ZNF550: variants seen among roughly 807,000 people sequenced by gnomAD.
ZNF550 encodes the protein zinc finger protein 550.
A neutral mutation model predicts 40.2 loss-of-function variants in ZNF550; 42 were observed. The observed-to-expected ratio is 1.05, with a 90% CI of 0.82 to 1.35. ZNF550 has a LOEUF of 1.35. ZNF550 is among the 40% of genes most tolerant of loss of function. The pLI, the probability that ZNF550 is intolerant of heterozygous loss-of-function variation, is 0.00. For synonymous variants in ZNF550, 223 were observed against 198.6 expected, an observed-to-expected ratio of 1.12 and a Z score of -1.03; for missense variants, 549 against 525.2, an observed-to-expected ratio of 1.05 and a Z score of -0.44.
chr19:57,560,659 A>T (rs1225966045), upstream of ZNF550, among the ~76,000 whole-genome samples: 1 of 152,072 alleles, frequency 6.6e-6, no homozygotes, highest in South Asian at 2.1e-4. Flanking sequence ...AGGTTTTTCT[A>T]GGAAAAGGTG....
At chr19:57,545,682 G>C (rs1370175018) in intron 4 of ZNF550, among the ~76,000 whole-genome samples, 1 of 152,082 alleles carries the variant, frequency 6.6e-6, no homozygotes, top group Non-Finnish European at 1.5e-5. Flanking sequence ...AGCAGTTTGA[G>C]ACAAATCTGG....
intron 2 of ZNF550, chr19:57,552,985 G>T: frequency 2.6e-6 from 1 of 389,204 alleles, no homozygotes; most frequent in Non-Finnish European, 4.6e-6. Flanking sequence ...AATTAAATGA[G>T]GCCACAAGGG....
At chr19:57,542,185 A>G (rs2089965839) in exon 5 of ZNF550, 1 of 151,834 alleles carries the variant, frequency 6.6e-6, no homozygotes, top group African/African-American at 2.4e-5. Flanking sequence ...TTAAACTTCT[A>G]AAGTAAAAAC....
exon 4 of ZNF550, chr19:57,546,604 T>C: frequency 9.9e-7 from 1 of 1,013,508 alleles, no homozygotes; most frequent in Non-Finnish European, 1.2e-6. Flanking sequence ...TTCATTATGA[T>C]TCTCAGATAG....
chr19:57,547,257 G>A, exon 4 of ZNF550: 5 of 1,613,998 alleles, frequency 3.1e-6, no homozygotes, highest in Non-Finnish European at 4.2e-6. Context: ...GTTGAATTAG[G>A]TGGGCTCTAT....
Position 57,543,695 on chromosome 19 carries a change from G to T in ZNF550, c.*519-452C>A, listed in dbSNP as rs374473973. 4.0e-5 allele frequency: 36 copies of T among 909,558 alleles called. No individual in the cohort carries two copies. In the East Asian group the frequency reaches 3.4e-3, roughly 87 times the overall value. 56.3% of individuals were successfully genotyped at this position (909,558 alleles called of 1,614,324 possible). A position where few individuals can be genotyped will look rare whatever the true frequency, so the allele number is the denominator to read the frequency against. On this transcript the variant is annotated intron_variant, in intron 4 of 4. Coordinates refer to ENST00000457177, the Ensembl canonical transcript of ZNF550. ...TCACGCCTGTAATCGCAGCACTTTGGGAGGCAGAGGCGGGTGGACTACATG... is the reference window on the plus strand; with the variant it reads ...TCACGCCTGTAATCGCAGCACTTTGTGAGGCAGAGGCGGGTGGACTACATG...
In ZNF550 at chr19:57,556,526, T is replaced by C. The variant is rs144851961; in HGVS notation, c.28-169A>G. The C allele has an allele frequency of 7.8e-4, 584 of 750,412 alleles. 3 individuals carry two copies. In the African/African-American group the frequency reaches 9.6e-3, roughly 12 times the overall value. The allele number at this position is 750,412 out of a possible 1,614,324, so 46.5% of individuals were successfully genotyped here. A position where few individuals can be genotyped will look rare whatever the true frequency, so the allele number is the denominator to read the frequency against. ...CAAAGGGGAGGCAGATACTGCCTTT[T>C]GACAATGCAATTGTGCCTGAGAGAA... On this transcript the variant is annotated intron_variant, in intron 1 of 4. Coordinates refer to ENST00000457177, the Ensembl canonical transcript of ZNF550.
chr19:57,561,341 G>C (rs375500301), upstream of ZNF550, among the ~76,000 whole-genome samples: 13 of 152,266 alleles, frequency 8.5e-5, no homozygotes, highest in African/African-American at 2.9e-4. The surrounding 1 kb of genome is among the most constrained non-coding windows in gnomAD (Gnocchi z 4.9). Flanking sequence ...TTGTTCTCAG[G>C]AGTAAACCTT....
At position 57,555,144 on chromosome 19, in the gene ZNF550, TGAGA is replaced by T. The variant is rs2090108392; in HGVS notation, c.154+1083_154+1086del. Reference sequence around the variant, plus strand: ...GGGAACCTTGTTTTGCTCTGGTAAGTGAGAAAGTCAATTTCCCTTCCTACAAATA... The same window carrying T: ...GGGAACCTTGTTTTGCTCTGGTAAGTAAGTCAATTTCCCTTCCTACAAATA... On this transcript the variant is annotated intron_variant, in intron 2 of 4. Coordinates refer to ENST00000457177, the Ensembl canonical transcript of ZNF550. 3 of 152,334 alleles carry T rather than the reference TGAGA, an allele frequency of 2.0e-5. No individual in the cohort carries two copies. In the South Asian group the frequency reaches 6.2e-4, roughly 32 times the overall value. 9.4% of individuals were successfully genotyped at this position (152,334 alleles called of 1,614,324 possible). A position where few individuals can be genotyped will look rare whatever the true frequency, so the allele number is the denominator to read the frequency against.
At chr19:57,559,510 C>G (rs1476558168) in intron 1 of ZNF550, 146 bp downstream of exon 1, 2 of 761,578 alleles carry the variant, frequency 2.6e-6, no homozygotes, top group East Asian at 3.4e-5. Flanking sequence ...GCATTCCGGA[C>G]CCGGGACCGC....
chr19:57,550,037 T>C lies in ZNF550; in HGVS notation c.251-2044A>G, dbSNP rs544354070. 2.5e-4 allele frequency among the ~76,000 whole-genome samples: 38 copies of C among 152,258 alleles called. 1 individual carries two copies. Among genetic ancestry groups the C allele is most frequent in the Admixed American group, 1.9e-3 (29 of 15,290 alleles). ...TGATGCAGCGCAAGTGTTCATTAAA[T>C]TGTGGGACATTACCCTTATTATTTT... On this transcript the variant is annotated intron_variant, in intron 3 of 4. Transcript: ENST00000457177.
chr19:57,556,195 T>C (rs1485042841), intron 2 of ZNF550, 36 bp downstream of exon 2: 1 of 1,613,328 alleles, frequency 6.2e-7, no homozygotes, highest in Non-Finnish European at 8.5e-7. Context: ...GAATCAGGGT[T>C]AGGGTCCTCC....
chr19:57,551,493 A>G (rs1010258610), intron 3 of ZNF550, among the ~76,000 whole-genome samples: 1 of 152,182 alleles, frequency 6.6e-6, no homozygotes, highest in African/African-American at 2.4e-5. Context: ...ATCATTTAAA[A>G]TGAGCAGGAC....
chr19:57,549,113 G>A (rs924445755), intron 3 of ZNF550, among the ~76,000 whole-genome samples: 5 of 152,040 alleles, frequency 3.3e-5, no homozygotes, highest in Non-Finnish European at 5.9e-5. Context: ...TAGCACAACC[G>A]GGTGGCTATA....
At chr19:57,545,571 TGA>T (rs756306222) in intron 4 of ZNF550, among the ~76,000 whole-genome samples, 2 of 152,174 alleles carry the variant, frequency 1.3e-5, no homozygotes, top group South Asian at 4.1e-4. Context: ...CAGGAAAATG[TGA>T]GAGTGCTGAG....
chr19:57,552,919 T>C (rs2269816), intron 2 of ZNF550, 197 bp from the exon 3 acceptor site: 141,552 of 559,980 alleles, frequency 0.25, 19,276 homozygotes, highest in Middle Eastern at 0.31. Context: ...CATATGTTGA[T>C]GCCCTAACAC....
intron 3 of ZNF550, 48 bp from the exon 4 acceptor site, chr19:57,548,041 T>A: frequency 6.6e-7 from 1 of 1,520,388 alleles, no homozygotes. Flanking sequence ...TGATAAAATA[T>A]AGAAAAACAC....
intron 1 of ZNF550, among the ~76,000 whole-genome samples, chr19:57,559,355 G>C (rs910742852): frequency 1.3e-5 from 2 of 152,200 alleles, no homozygotes; most frequent in African/African-American, 4.8e-5. Context: ...GCAGGCCCGA[G>C]AAAGGACATG....
rs1047314873 is a variant in ZNF550 at position 57,546,784 on chromosome 19, T to C, written c.*191A>G. ...TGACTGAAGGGATCCTTACATTCAC[T>C]GTATTCACAGGGCTTCTCTCCAAAG... is the stretch of plus-strand genomic sequence containing the variant. On this transcript the variant is annotated 3_prime_UTR_variant, in exon 4 of 5. Transcript: ENST00000457177. 31 of 1,373,366 alleles carry C rather than the reference T, an allele frequency of 2.3e-5. No homozygotes were observed. In the African/African-American group the frequency reaches 3.9e-4, roughly 17 times the overall value. 85.1% of individuals were successfully genotyped at this position (1,373,366 alleles called of 1,614,324 possible).
Sources: allele counts gnomAD v4.1 joint callset (sites outside exome capture counted in the v4.1 genomes callset), GRCh38; gene constraint gnomAD v4.1.1; non-coding constraint Gnocchi (gnomAD v3.1); transcripts MANE v1.5; gene names NCBI Gene and HGNC (gene_info 2026-07-23, HGNC 2026-07-21).